The following SBF2 variants were observed in gnomAD, a reference collection of about 807,000 sequenced individuals.
SBF2 encodes the protein myotubularin-related protein 13.
SBF2 carries 112 observed loss-of-function variants against 225.2 expected under a neutral mutation model. The ratio of observed to expected loss-of-function variants is 0.50; its 90% CI spans 0.43 to 0.58. The LOEUF (loss-of-function observed/expected upper bound fraction) is 0.58. SBF2 is among the 20% of genes least tolerant of loss of function. SBF2 has a pLI of 0.00. For missense variants in SBF2, 1,996 were observed against 2,206.2 expected (o/e 0.90, Z 1.91); for synonymous variants, 763 against 773.3 (o/e 0.99, Z 0.22).
chr11:10,230,819 T>C (rs1591269190), intron 1 of SBF2, among the ~76,000 whole-genome samples: 1 of 152,190 alleles, frequency 6.6e-6, no homozygotes, highest in South Asian at 2.1e-4. Flanking sequence ...AGTATCTTTG[T>C]GGCGTTCTCT....
chr11:10,021,386 G>C (rs528573819), intron 6 of SBF2, among the ~76,000 whole-genome samples: 265 of 152,088 alleles, frequency 1.7e-3, no homozygotes, highest in Non-Finnish European at 2.9e-3. Context: ...AGCATTGTTA[G>C]TACACTTAAA....
chr11:10,269,515 GA>G (rs1200552343), intron 1 of SBF2, among the ~76,000 whole-genome samples: 1 of 152,138 alleles, frequency 6.6e-6, no homozygotes, highest in African/African-American at 2.4e-5. Flanking sequence ...ACATATCCTT[GA>G]CCCGGCAGTT....
chr11:10,170,796 CT>C (rs1165637478), intron 2 of SBF2, among the ~76,000 whole-genome samples: 1 of 149,918 alleles, frequency 6.7e-6, no homozygotes, highest in Non-Finnish European at 1.5e-5. Context: ...AATATCTTTC[CT>C]TTTTTTGTGT....
At chr11:9,961,043 T>C (rs933111209) in intron 16 of SBF2, 46 of 152,212 alleles carry the variant, frequency 3.0e-4, no homozygotes, top group African/African-American at 1.1e-3. Flanking sequence ...TAGGAGTATA[T>C]TGGTAATTTT....
intron 2 of SBF2, among the ~76,000 whole-genome samples, chr11:10,101,654 T>TCG: frequency 9.0e-6 from 1 of 111,298 alleles, no homozygotes; most frequent in Non-Finnish European, 1.9e-5. Context: ...TCTCTCTCTC[T>TCG]CGCTCTGTGT....
At chr11:9,954,680 G>GCAAAAA (rs112006124) in intron 16 of SBF2, among the ~76,000 whole-genome samples, 2 of 151,688 alleles carry the variant, frequency 1.3e-5, no homozygotes, top group South Asian at 2.1e-4. Context: ...TTTGAAAGCT[G>GCAAAAA]CAAAAACAAA....
chr11:9,785,371 G>T, intron 36 of SBF2, 53 bp from the exon 37 acceptor site: 1 of 1,441,946 alleles, frequency 6.9e-7, no homozygotes, highest in Non-Finnish European at 9.8e-7. Context: ...TTAAACTACT[G>T]ACTGGAAAAT....
intron 6 of SBF2, among the ~76,000 whole-genome samples, chr11:10,009,307 G>A (rs1031121070): frequency 7.2e-5 from 11 of 152,166 alleles, no homozygotes; most frequent in East Asian, 3.9e-4. Flanking sequence ...TGTGCAGAAC[G>A]TGAAGGTTTG....
chr11:10,129,100 CTT>C (rs757476668), intron 2 of SBF2, among the ~76,000 whole-genome samples: 5,934 of 88,902 alleles, frequency 0.067, 91 homozygotes, highest in East Asian at 0.24. Context: ...AATTTTCTCT[CTT>C]TTTTTTTTTT....
At chr11:9,990,172 G>GAA (rs57975507) in intron 12 of SBF2, among the ~76,000 whole-genome samples, 1 of 149,150 alleles carries the variant, frequency 6.7e-6, no homozygotes, top group African/African-American at 2.5e-5. Context: ...AAGGCTGACA[G>GAA]AAAAAAAAAA....
At chr11:10,188,155 A>G (rs192891757) in intron 2 of SBF2, among the ~76,000 whole-genome samples, 34 of 152,372 alleles carry the variant, frequency 2.2e-4, no homozygotes, top group African/African-American at 7.9e-4. Flanking sequence ...ACATTTTATA[A>G]TAAAGAAGAA....
chr11:10,109,778 G>C (rs1952746445), intron 2 of SBF2, among the ~76,000 whole-genome samples: 1 of 152,164 alleles, frequency 6.6e-6, no homozygotes, highest in Non-Finnish European at 1.5e-5. Context: ...CAGTTTAATT[G>C]ATCTCTCTTT....
intron 2 of SBF2, among the ~76,000 whole-genome samples, chr11:10,162,604 A>C (rs761772498): frequency 1.1e-4 from 17 of 152,318 alleles, no homozygotes; most frequent in South Asian, 6.2e-4. Context: ...ATTTTTAATA[A>C]AACAGTCACA....
chr11:9,910,856 G>A (rs1346662200), intron 16 of SBF2, among the ~76,000 whole-genome samples: 1 of 137,494 alleles, frequency 7.3e-6, no homozygotes, highest in Non-Finnish European at 1.5e-5. Context: ...AGACCATTTG[G>A]CCAACATGGT....
At chr11:10,139,322 A>T (rs1406418940) in intron 2 of SBF2, among the ~76,000 whole-genome samples, 1 of 152,168 alleles carries the variant, frequency 6.6e-6, no homozygotes, top group Admixed American at 6.5e-5. Context: ...AGTCTCCAGC[A>T]GTTTTTTCCT....
intron 2 of SBF2, among the ~76,000 whole-genome samples, chr11:10,141,462 T>G (rs554460090): frequency 5.3e-5 from 8 of 152,316 alleles, no homozygotes; most frequent in Non-Finnish European, 8.8e-5. Context: ...ACTAATTATT[T>G]TAGAACAAGA....
chr11:9,839,906 T>C (rs1198643549), intron 25 of SBF2, among the ~76,000 whole-genome samples: 1 of 152,134 alleles, frequency 6.6e-6, no homozygotes, highest in African/African-American at 2.4e-5. Context: ...TAGAGACAGA[T>C]ATTGAAGAAA....
intron 1 of SBF2, among the ~76,000 whole-genome samples, chr11:10,207,502 A>T (rs1957789170): frequency 6.6e-6 from 1 of 152,142 alleles, no homozygotes; most frequent in African/African-American, 2.4e-5. Flanking sequence ...TTCCCAGGGC[A>T]ATATTCTTCA....
At chr11:10,285,092 T>C (rs1963661576) in intron 1 of SBF2, among the ~76,000 whole-genome samples, 1 of 152,106 alleles carries the variant, frequency 6.6e-6, no homozygotes, top group Non-Finnish European at 1.5e-5. Context: ...AAAGGACTGC[T>C]TGAGGCCAGG....
Sources: gnomAD v4.1 joint callset for allele counts (sites outside exome capture counted in the v4.1 genomes callset) on GRCh38, gnomAD v4.1.1 for gene constraint, MANE v1.5 for transcripts, NCBI Gene and HGNC (gene_info 2026-07-23, HGNC 2026-07-21) for gene names.